Variants in SPATA16 observed in about 807,000 individuals in gnomAD.
SPATA16 encodes the protein spermatogenesis associated 16.
SPATA16 carries 36 observed loss-of-function variants against 63.3 expected under a neutral mutation model. That is an observed-to-expected ratio of 0.57 (90% CI 0.44 to 0.75). SPATA16 has a LOEUF of 0.75. SPATA16 is among the 30% of genes least tolerant of loss of function. SPATA16 has a pLI of 0.00. For synonymous variants in SPATA16, 203 were observed against 216.7 expected (o/e 0.94, Z 0.56); for missense variants, 646 against 679.3 (o/e 0.95, Z 0.54).
chr3:173,016,856 A>G (rs1735201356), intron 4 of SPATA16, among the ~76,000 whole-genome samples: 1 of 152,138 alleles, frequency 6.6e-6, no homozygotes, highest in Non-Finnish European at 1.5e-5. Flanking sequence ...TAGACTAAAA[A>G]TACAAAAATT....
At chr3:172,990,688 A>G (rs1422699315) in intron 4 of SPATA16, among the ~76,000 whole-genome samples, 1 of 152,206 alleles carries the variant, frequency 6.6e-6, no homozygotes, top group Non-Finnish European at 1.5e-5. Context: ...TGTTGATCAC[A>G]GACTTTATGT....
intron 10 of SPATA16, among the ~76,000 whole-genome samples, chr3:172,905,302 T>G (rs987435633): frequency 6.6e-5 from 10 of 152,124 alleles, no homozygotes; most frequent in Non-Finnish European, 1.3e-4. Flanking sequence ...TGCAAATGAA[T>G]GGTACGGCTG....
chr3:172,910,591 T>C (rs1293909487), intron 10 of SPATA16, among the ~76,000 whole-genome samples: 1 of 152,000 alleles, frequency 6.6e-6, no homozygotes, highest in Non-Finnish European at 1.5e-5. Flanking sequence ...TGTTGACCCT[T>C]GTTCTAAACA....
At chr3:173,009,402 A>AC (rs924753180) in intron 4 of SPATA16, among the ~76,000 whole-genome samples, 2 of 152,186 alleles carry the variant, frequency 1.3e-5, no homozygotes, top group Admixed American at 6.5e-5. Flanking sequence ...CCACAATTCC[A>AC]CCACAGGCCT....
intron 5 of SPATA16, among the ~76,000 whole-genome samples, chr3:172,961,882 A>G (rs1459568147): frequency 6.6e-6 from 1 of 152,098 alleles, no homozygotes; most frequent in Non-Finnish European, 1.5e-5. Flanking sequence ...TGGGAGAGAC[A>G]TTAACTTTCT....
chr3:173,087,746 T>G (rs550763893), intron 2 of SPATA16, among the ~76,000 whole-genome samples: 1 of 152,140 alleles, frequency 6.6e-6, no homozygotes, highest in Non-Finnish European at 1.5e-5. Flanking sequence ...AGCATTTGCT[T>G]GTCTGAAAAG....
chr3:173,120,885 T>G (rs1738044960), intron 1 of SPATA16, among the ~76,000 whole-genome samples: 1 of 152,114 alleles, frequency 6.6e-6, no homozygotes, highest in Non-Finnish European at 1.5e-5. Context: ...GTCTTTAAAC[T>G]GCTCTATAGA....
chr3:172,892,198 T>G (rs1731906636), intron 10 of SPATA16, among the ~76,000 whole-genome samples: 1 of 152,172 alleles, frequency 6.6e-6, no homozygotes, highest in South Asian at 2.1e-4. Flanking sequence ...GCTTTGAGAG[T>G]GTCTTGCCTG....
At chr3:173,054,581 C>T (rs1377055501) in intron 2 of SPATA16, among the ~76,000 whole-genome samples, 1 of 151,998 alleles carries the variant, frequency 6.6e-6, no homozygotes, top group Non-Finnish European at 1.5e-5. Context: ...GGGAGTCGAA[C>T]ACTGAGAACT....
At chr3:172,984,547 G>A (rs1734398164) in intron 4 of SPATA16, among the ~76,000 whole-genome samples, 1 of 152,080 alleles carries the variant, frequency 6.6e-6, no homozygotes, top group Non-Finnish European at 1.5e-5. Context: ...TCGGTCTCTG[G>A]ACTTTTGTAA....
chr3:173,044,936 C>A (rs1486185216), intron 3 of SPATA16, among the ~76,000 whole-genome samples: 2 of 152,046 alleles, frequency 1.3e-5, no homozygotes, highest in Admixed American at 1.3e-4. Context: ...ATAGTATGAT[C>A]TTTCTGGGGC....
intron 2 of SPATA16, among the ~76,000 whole-genome samples, chr3:173,056,958 C>T (rs1039754528): frequency 1.3e-4 from 20 of 151,552 alleles, no homozygotes; most frequent in Non-Finnish European, 1.8e-4. Flanking sequence ...ACCGTGAGTC[C>T]ACATATGTTC....
intron 2 of SPATA16, among the ~76,000 whole-genome samples, chr3:173,099,064 A>C (rs1737427830): frequency 6.6e-6 from 1 of 152,154 alleles, no homozygotes; most frequent in African/African-American, 2.4e-5. Flanking sequence ...TCATGGCTTG[A>C]TGACTCAGGA....
chr3:173,112,236 G>A (rs1483850529), intron 2 of SPATA16, among the ~76,000 whole-genome samples: 2 of 152,218 alleles, frequency 1.3e-5, no homozygotes. Flanking sequence ...TAAAATCAAT[G>A]TTGGACATAC....
chr3:173,029,600 G>C (rs894899339), intron 3 of SPATA16, among the ~76,000 whole-genome samples: 7 of 151,878 alleles, frequency 4.6e-5, no homozygotes, highest in African/African-American at 1.7e-4. Flanking sequence ...CCTATCTTTT[G>C]CTCTAGGGGG....
intron 6 of SPATA16, among the ~76,000 whole-genome samples, chr3:172,953,977 C>T (rs1405958446): frequency 7.2e-5 from 11 of 152,144 alleles, no homozygotes; most frequent in Admixed American, 7.2e-4. Flanking sequence ...CTTATGTTTG[C>T]ACACATCTGC....
intron 4 of SPATA16, among the ~76,000 whole-genome samples, chr3:172,999,096 G>T (rs917920660): frequency 6.6e-6 from 1 of 152,082 alleles, no homozygotes; most frequent in Non-Finnish European, 1.5e-5. Context: ...TCTTCTGAAA[G>T]AAATTGTGAA....
At chr3:173,029,804 G>A (rs1200987518) in intron 3 of SPATA16, among the ~76,000 whole-genome samples, 1 of 151,910 alleles carries the variant, frequency 6.6e-6, no homozygotes, top group Non-Finnish European at 1.5e-5. Context: ...TTTATACAGG[G>A]CTTTGCTCTG....
chr3:173,033,703 T>G (rs1206565450), intron 3 of SPATA16, among the ~76,000 whole-genome samples: 1 of 152,052 alleles, frequency 6.6e-6, no homozygotes, highest in Non-Finnish European at 1.5e-5. Flanking sequence ...GTTTATTTTA[T>G]TTTAGTTTAG....
Sources: allele counts gnomAD v4.1 joint callset (sites outside exome capture counted in the v4.1 genomes callset), GRCh38; gene constraint gnomAD v4.1.1; transcripts MANE v1.5; gene names NCBI Gene and HGNC (gene_info 2026-07-23, HGNC 2026-07-21).